JAM3: variants seen among roughly 807,000 people sequenced by gnomAD.
JAM3 encodes the protein junctional adhesion molecule C.
A neutral mutation model predicts 39.4 loss-of-function variants in JAM3; 31 were observed. The ratio of observed to expected loss-of-function variants is 0.79; its 90% confidence interval spans 0.59 to 1.06. The LOEUF (loss-of-function observed/expected upper bound fraction) is 1.06, where lower values mean the gene tolerates loss of function less well. Ranked by LOEUF, JAM3 falls within the 50% of genes least tolerant of loss-of-function variation. The pLI, the probability that JAM3 is intolerant of heterozygous loss-of-function variation, is 0.00. For missense variants in JAM3, 455 were observed against 391.4 expected, an observed-to-expected ratio of 1.16 and a Z score of -1.37; for synonymous variants, 182 against 148.7, an observed-to-expected ratio of 1.22 and a Z score of -1.63.
At chr11:134,085,005 G>A (rs1941725835) in intron 1 of JAM3, among the ~76,000 whole-genome samples, 2 of 152,122 alleles carry the variant, frequency 1.3e-5, no homozygotes, top group Admixed American at 6.6e-5. Flanking sequence ...AGTTGTTCTT[G>A]CTGGGCATCT....
At chr11:134,070,126 T>G (rs1043058314) in intron 1 of JAM3, 2 of 456,042 alleles carry the variant, frequency 4.4e-6, no homozygotes, top group African/African-American at 4.0e-5. Context: ...TCTCGTTTAC[T>G]CCTTTCAGCA....
intron 1 of JAM3, among the ~76,000 whole-genome samples, chr11:134,123,534 G>A (rs1050135681): frequency 1.6e-4 from 25 of 152,356 alleles, no homozygotes; most frequent in African/African-American, 6.0e-4. Flanking sequence ...TAAAAAGACA[G>A]ATTTCAAAAT....
At chr11:134,141,975 C>T (rs1942982106) in intron 3 of JAM3, among the ~76,000 whole-genome samples, 1 of 151,846 alleles carries the variant, frequency 6.6e-6, no homozygotes, top group Non-Finnish European at 1.5e-5. Context: ...TGAGTCTCCT[C>T]AAAAGAGTTT....
At chr11:134,135,638 A>C (rs1942851428) in intron 1 of JAM3, among the ~76,000 whole-genome samples, 1 of 151,794 alleles carries the variant, frequency 6.6e-6, no homozygotes, top group South Asian at 2.1e-4. Flanking sequence ...CCTGGGTTCA[A>C]GTGATTCTCC....
At chr11:134,094,059 C>G (rs1410486108) in intron 1 of JAM3, among the ~76,000 whole-genome samples, 2 of 123,338 alleles carry the variant, frequency 1.6e-5, no homozygotes, top group African/African-American at 6.1e-5. Flanking sequence ...TTCTCCTGAA[C>G]CCTCCTTATT....
intron 1 of JAM3, among the ~76,000 whole-genome samples, chr11:134,105,792 G>A (rs527827953): frequency 6.6e-6 from 1 of 152,206 alleles, no homozygotes; most frequent in East Asian, 1.9e-4. Context: ...AACTTACAAG[G>A]GATGTGAAGG....
intron 1 of JAM3, among the ~76,000 whole-genome samples, chr11:134,110,842 A>AT (rs1370905493): frequency 6.6e-6 from 1 of 152,158 alleles, no homozygotes; most frequent in Non-Finnish European, 1.5e-5. Flanking sequence ...TGCACTTTAT[A>AT]TGTCAATTAT....
chr11:134,114,044 G>A (rs931681853), intron 1 of JAM3, among the ~76,000 whole-genome samples: 3 of 151,686 alleles, frequency 2.0e-5, no homozygotes, highest in African/African-American at 4.9e-5. Context: ...GGGTTTGTTT[G>A]TTTTTTTCTT....
chr11:134,127,722 C>T (rs1479236465), intron 1 of JAM3, among the ~76,000 whole-genome samples: 3 of 152,130 alleles, frequency 2.0e-5, no homozygotes, highest in Non-Finnish European at 4.4e-5. Context: ...AACTTGATGC[C>T]TTTGAAAATA....
intron 1 of JAM3, among the ~76,000 whole-genome samples, chr11:134,136,273 G>T (rs998288157): frequency 3.3e-5 from 5 of 152,148 alleles, no homozygotes; most frequent in African/African-American, 1.2e-4. Flanking sequence ...TGGATTCAGT[G>T]TGTGCACAAT....
At chr11:134,112,906 A>C (rs1942345261) in intron 1 of JAM3, among the ~76,000 whole-genome samples, 1 of 152,196 alleles carries the variant, frequency 6.6e-6, no homozygotes, top group Non-Finnish European at 1.5e-5. Context: ...GTCTGAAGCC[A>C]CAGACCAAAG....
chr11:134,124,256 A>G lies in JAM3; in HGVS notation c.77-15595A>G, dbSNP rs1942595786. Reference sequence around the variant, plus strand: ...CCTCTGGGAACTCGTTGAGAGTAGCACTGGTAGGGTTGTGAGTTACAAGAA... The same window carrying G: ...CCTCTGGGAACTCGTTGAGAGTAGCGCTGGTAGGGTTGTGAGTTACAAGAA... On this transcript the variant is annotated intron_variant, in intron 1 of 8. Coordinates refer to ENST00000299106, the MANE Select transcript of JAM3 (RefSeq NM_032801.5). The G allele has an allele frequency of 3.7e-6, 4 of 1,074,892 alleles. 1 individual carries two copies. Among genetic ancestry groups the G allele is most frequent in the Middle Eastern group, 4.6e-4 (2 of 4,356 alleles). The allele number at this position is 1,074,892 out of a possible 1,614,324, so 66.6% of individuals were successfully genotyped here. A position where few individuals can be genotyped will look rare whatever the true frequency, so the allele number is the denominator to read the frequency against.
intron 3 of JAM3, among the ~76,000 whole-genome samples, chr11:134,141,385 C>T (rs998854438): frequency 1.3e-5 from 2 of 152,100 alleles, no homozygotes; most frequent in African/African-American, 2.4e-5. Flanking sequence ...AAGCAACAGA[C>T]GGACTGGCTG....
At position 134,148,727 on chromosome 11, in the gene JAM3, A is replaced by G. The variant is rs1405289654; in HGVS notation, c.843-37A>G. On this transcript the variant is annotated intron_variant, in intron 7 of 8. Coordinates refer to ENST00000299106, the MANE Select transcript of JAM3 (RefSeq NM_032801.5). ...GGAAGTTCAAGCTGGCAATAATATA[A>G]CAACCCTGTTGCTAAACTGCTCTCT... The G allele has an allele frequency of 2.5e-6, 4 of 1,613,966 alleles. No individual in the cohort carries two copies. The African/African-American group carries it at 4.0e-5, about 16-fold the overall frequency.
chr11:134,126,582 A>T (rs1188165733), intron 1 of JAM3: 2 of 152,204 alleles, frequency 1.3e-5, no homozygotes, highest in Non-Finnish European at 2.9e-5. Flanking sequence ...ATGTTGCCTG[A>T]GCCTCTTTAT....
intron 1 of JAM3, among the ~76,000 whole-genome samples, chr11:134,093,321 T>C (rs1784394): frequency 7.5e-6 from 1 of 133,590 alleles, no homozygotes; most frequent in Non-Finnish European, 1.6e-5. Flanking sequence ...TCTTGTTCCA[T>C]CTTACATGTC....
rs1345635245 is a variant in JAM3 at position 134,119,965 on chromosome 11, C to T, written c.77-19886C>T. On this transcript the variant is annotated intron_variant, in intron 1 of 8. Coordinates refer to ENST00000299106, the MANE Select transcript of JAM3 (RefSeq NM_032801.5). Reference sequence around the variant, plus strand: ...GCTCTTGTCAGAACCCATATTTGATCGATTTACTATATACTTTGCTGTGTG... The same window carrying T: ...GCTCTTGTCAGAACCCATATTTGATTGATTTACTATATACTTTGCTGTGTG... Among the ~76,000 whole-genome samples, 9 of 152,224 alleles carry T rather than the reference C, an allele frequency of 5.9e-5. No homozygotes were observed. In the East Asian group the frequency reaches 1.5e-3, roughly 26 times the overall value.
In JAM3 at chr11:134,149,389, A is replaced by G; in HGVS notation, c.*208A>G. Reference sequence around the variant, plus strand: ...TTTCCTCAAGATGGACCCGGTAAATATAACCACAAGGAAGCGAAACTGGGT... The same window carrying G: ...TTTCCTCAAGATGGACCCGGTAAATGTAACCACAAGGAAGCGAAACTGGGT... On this transcript the variant is annotated 3_prime_UTR_variant, in exon 9 of 9. Transcript: ENST00000299106. 1.5e-6 allele frequency: 1 copy of G among 645,232 alleles called. No homozygotes were observed. The highest frequency in any genetic ancestry group is 2.7e-6 in the Non-Finnish European group (1 of 364,254). The allele number at this position is 645,232 out of a possible 1,614,324, so 40.0% of individuals were successfully genotyped here. A position where few individuals can be genotyped will look rare whatever the true frequency, so the allele number is the denominator to read the frequency against.
At chr11:134,108,602 A>G (rs1490687750) in intron 1 of JAM3, among the ~76,000 whole-genome samples, 1 of 152,218 alleles carries the variant, frequency 6.6e-6, no homozygotes, top group East Asian at 1.9e-4. Flanking sequence ...AACAAAAACA[A>G]AAACCAACCG....
Sources: allele counts gnomAD v4.1 joint callset (sites outside exome capture counted in the v4.1 genomes callset), GRCh38; gene constraint gnomAD v4.1.1; transcripts MANE v1.5; gene names NCBI Gene and HGNC (gene_info 2026-07-23, HGNC 2026-07-21).